DEK: variants seen among roughly 807,000 people sequenced by gnomAD.
DEK encodes DEK proto-oncogene.
A neutral mutation model predicts 46.8 loss-of-function variants in DEK; 28 were observed. The ratio of observed to expected loss-of-function variants is 0.60; its 90% CI spans 0.44 to 0.82. The LOEUF (loss-of-function observed/expected upper bound fraction) is 0.82, where lower values mean the gene tolerates loss of function less well. DEK is among the 40% of genes least tolerant of loss of function. The pLI, the probability that DEK is intolerant of heterozygous loss-of-function variation, is 0.00. For synonymous variants in DEK, 160 were observed against 144.5 expected (o/e 1.11, Z -0.77); for missense variants, 416 against 430.6 (o/e 0.97, Z 0.30).
rs1174002771 is a variant in DEK, at chr6:18,227,137, C to T, written c.1048-895G>A. ...CCTCGTGAGAAGGGAAAGACCTGAC[C>T]GTCCCCCAGCCCGACACCCTTAAAG... is the stretch of plus-strand genomic sequence containing the variant. On this transcript the variant is annotated intron_variant, in intron 9 of 10. Transcript: ENST00000652689. Among the ~76,000 whole-genome samples, 3 of 152,194 alleles carry T rather than the reference C, an allele frequency of 2.0e-5. No homozygotes were observed. The South Asian group carries it at 6.2e-4, about 32-fold the overall frequency.
chr6:18,247,794 TC>T (rs1465628448), intron 7 of DEK, among the ~76,000 whole-genome samples: 1 of 151,932 alleles, frequency 6.6e-6, no homozygotes, highest in African/African-American at 2.4e-5. Flanking sequence ...GCCTCAGCCT[TC>T]CCGAGTAGCT....
At chr6:18,252,767 G>A (rs1004519632) in intron 6 of DEK, among the ~76,000 whole-genome samples, 2 of 152,092 alleles carry the variant, frequency 1.3e-5, no homozygotes, top group Admixed American at 1.3e-4. Context: ...GTTGACATTT[G>A]TACTAATTGC....
chr6:18,226,876 T>TG (rs1022652979), intron 9 of DEK, among the ~76,000 whole-genome samples: 30 of 152,200 alleles, frequency 2.0e-4, no homozygotes, highest in Non-Finnish European at 3.8e-4. Context: ...TGCCTTGAGA[T>TG]GCTGTTACTC....
At chr6:18,260,881 G>C (rs1054776972) in intron 2 of DEK, among the ~76,000 whole-genome samples, 46 of 151,106 alleles carry the variant, frequency 3.0e-4, no homozygotes, top group Admixed American at 9.9e-4. Flanking sequence ...CATGCCTGTG[G>C]TTCCTGAGGT....
chr6:18,248,210 G>A (rs1040628203), intron 7 of DEK, among the ~76,000 whole-genome samples: 3 of 152,050 alleles, frequency 2.0e-5, no homozygotes, highest in Admixed American at 2.0e-4. Context: ...TAAATAACTT[G>A]CTTATACTAA....
At position 18,232,569 on chromosome 6, in the gene DEK, AACAG is replaced by A. The variant is rs1467947104; in HGVS notation, c.1047+3879_1047+3882del. On this transcript the variant is annotated intron_variant, in intron 9 of 10. Transcript: ENST00000652689. ...ATCACAAGCATTCCTATACACCCAT[AACAG>A]ACAGAGAGCCAAATAATGAGTGAAT... Among the ~76,000 whole-genome samples the A allele has an allele frequency of 6.6e-5, 10 of 152,096 alleles. No homozygotes were observed. In the East Asian group the frequency reaches 7.7e-4, roughly 12 times the overall value.
rs760759627 is a variant in DEK, at chr6:18,225,451, A to C, written c.*268T>G. ...AGCTCAAGAATCTATGACCTTATAT[A>C]AAGAAATCCAAAATGTACAAAATAC... On this transcript the variant is annotated 3_prime_UTR_variant, in exon 11 of 11. Transcript: ENST00000652689. The C allele has an allele frequency of 2.4e-5, 10 of 408,768 alleles. No homozygotes were observed. The highest frequency in any genetic ancestry group is 4.4e-5 in the Non-Finnish European group (10 of 228,512). The allele number at this position is 408,768 out of a possible 1,614,324, so 25.3% of individuals were successfully genotyped here.
In DEK at chr6:18,236,136, C is replaced by G. The variant is rs946864094; in HGVS notation, c.1047+316G>C. On this transcript the variant is annotated intron_variant, in intron 9 of 10. Coordinates refer to ENST00000652689, the MANE Select transcript of DEK (RefSeq NM_003472.4). ...ATGAGATTCTGCTTCTTTAAACTAA[C>G]ATAAACTAAGGATACATCAATAGAA... is the stretch of plus-strand genomic sequence containing the variant. 3.3e-5 allele frequency among the ~76,000 whole-genome samples: 5 copies of G among 152,156 alleles called. No individual in the cohort carries two copies. In the East Asian group the frequency reaches 7.7e-4, roughly 23 times the overall value.
intron 9 of DEK, among the ~76,000 whole-genome samples, chr6:18,236,138 T>C (rs1790636877): frequency 6.6e-6 from 1 of 152,172 alleles, no homozygotes; most frequent in Admixed American, 6.5e-5. Flanking sequence ...TAAACTAACA[T>C]AAACTAAGGA....
chr6:18,255,651 G>T, intron 6 of DEK, 80 bp downstream of exon 6: 1 of 1,480,778 alleles, frequency 6.8e-7, no homozygotes, highest in Non-Finnish European at 9.0e-7. Flanking sequence ...TGACAGCAAT[G>T]CTGTTATTAA....
At chr6:18,258,881 T>A (rs1791718561) in intron 2 of DEK, among the ~76,000 whole-genome samples, 1 of 152,016 alleles carries the variant, frequency 6.6e-6, no homozygotes, top group Non-Finnish European at 1.5e-5. Flanking sequence ...GAAACACAAA[T>A]AAAGACTTCC....
intron 7 of DEK, among the ~76,000 whole-genome samples, chr6:18,239,191 T>C (rs1158182277): frequency 6.6e-6 from 1 of 152,132 alleles, no homozygotes; most frequent in Non-Finnish European, 1.5e-5. Context: ...CTCAAAGTGC[T>C]GGGATTACAG....
intron 9 of DEK, among the ~76,000 whole-genome samples, chr6:18,231,698 G>A (rs965549950): frequency 2.6e-5 from 4 of 152,108 alleles, no homozygotes; most frequent in African/African-American, 9.7e-5. Context: ...CCAATAACAG[G>A]TTCTGAAATT....
intron 7 of DEK, among the ~76,000 whole-genome samples, chr6:18,246,435 C>A (rs1791117838): frequency 2.0e-5 from 3 of 152,176 alleles, no homozygotes; most frequent in Non-Finnish European, 2.9e-5. Flanking sequence ...GTGACTCACT[C>A]ACTGCATATC....
chr6:18,252,209 A>G (rs1223205931), intron 6 of DEK, among the ~76,000 whole-genome samples: 1 of 152,192 alleles, frequency 6.6e-6, no homozygotes, highest in East Asian at 1.9e-4. Flanking sequence ...AACTTCTTGT[A>G]GCATAGAAAA....
intron 7 of DEK, among the ~76,000 whole-genome samples, chr6:18,242,191 T>C (rs1461405170): frequency 6.6e-6 from 1 of 152,144 alleles, no homozygotes; most frequent in African/African-American, 2.4e-5. Context: ...GGCAACATCG[T>C]GAAACCCCGT....
intron 7 of DEK, chr6:18,244,447 A>T: frequency 1.2e-6 from 1 of 831,246 alleles, no homozygotes; most frequent in Non-Finnish European, 1.7e-6. Flanking sequence ...ACAGAATCAG[A>T]GGAATGACAT....
rs1790117827 is a variant in DEK at position 18,226,166 on chromosome 6, A to G, written c.1116+8T>C. 7.6e-7 allele frequency: 1 copy of G among 1,308,122 alleles called. No homozygotes were observed. Among genetic ancestry groups the G allele is most frequent in the Non-Finnish European group, 1.0e-6 (1 of 983,246 alleles). The allele number at this position is 1,308,122 out of a possible 1,614,324, so 81.0% of individuals were successfully genotyped here. A position where few individuals can be genotyped will look rare whatever the true frequency, so the allele number is the denominator to read the frequency against. ...CTAAAGTCAAACTTGAAAGACTGAAATATTTACCTCTTTTACAGTTGTTTT... is the reference window on the plus strand; with the variant it reads ...CTAAAGTCAAACTTGAAAGACTGAAGTATTTACCTCTTTTACAGTTGTTTT... On this transcript the variant is annotated splice_region_variant and intron_variant, in intron 10 of 10. Coordinates refer to ENST00000652689, the MANE Select transcript of DEK (RefSeq NM_003472.4).
intron 6 of DEK, among the ~76,000 whole-genome samples, chr6:18,254,458 ACT>A (rs1309431162): frequency 2.0e-5 from 3 of 152,074 alleles, no homozygotes; most frequent in Admixed American, 6.5e-5. Context: ...ATAAAATGCC[ACT>A]CTTTCATTCT....
Sources: gnomAD v4.1 joint callset for allele counts (sites outside exome capture counted in the v4.1 genomes callset) on GRCh38, gnomAD v4.1.1 for gene constraint, MANE v1.5 for transcripts, NCBI Gene and HGNC (gene_info 2026-07-23, HGNC 2026-07-21) for gene names.